The following IREB2 variants were observed in gnomAD, a reference collection of about 807,000 sequenced individuals.
IREB2 encodes the protein iron-responsive element-binding protein 2.
Under a neutral mutation model 118.8 loss-of-function variants are expected in IREB2, and 39 were observed. That is an observed-to-expected ratio of 0.33 (90% CI 0.25 to 0.43). The LOEUF (loss-of-function observed/expected upper bound fraction) is 0.43, where lower values mean the gene tolerates loss of function less well. IREB2 is among the 20% of genes least tolerant of loss of function. The pLI, the probability that IREB2 is intolerant of heterozygous loss-of-function variation, is 1.00. For synonymous variants in IREB2, 372 were observed against 392.2 expected, an observed-to-expected ratio of 0.95 and a Z score of 0.61; for missense variants, 900 against 1,147.3, an observed-to-expected ratio of 0.78 and a Z score of 3.11.
Position 78,438,286 on chromosome 15 carries a change from C to T in IREB2, c.-52C>T, listed in dbSNP as rs1406839158. On this transcript the variant is annotated 5_prime_UTR_variant, in exon 1 of 22. Coordinates refer to ENST00000258886, the MANE Select transcript of IREB2 (RefSeq NM_004136.4). Reference sequence around the variant, plus strand: ...TCCCCGTCTTCCCTGCCCGGCCTCCCCCTTCTTCCCCCGCTGGCCCCCTCC... The same window carrying T: ...TCCCCGTCTTCCCTGCCCGGCCTCCTCCTTCTTCCCCCGCTGGCCCCCTCC... The T allele has an allele frequency of 2.3e-5, 34 of 1,468,644 alleles. No homozygotes were observed. In the South Asian group the frequency reaches 3.0e-4, roughly 13 times the overall value. The allele number at this position is 1,468,644 out of a possible 1,614,324, so 91.0% of individuals were successfully genotyped here.
At chr15:78,481,911 A>G (rs1310944801) in intron 10 of IREB2, 2 of 152,258 alleles carry the variant, frequency 1.3e-5, no homozygotes, top group Non-Finnish European at 2.9e-5. Context: ...ATGGATATTT[A>G]TGGGCAAAGA....
intron 10 of IREB2, chr15:78,480,295 C>T (rs912574709): frequency 1.3e-5 from 2 of 151,892 alleles, no homozygotes; most frequent in African/African-American, 4.8e-5. Context: ...CATTTTTTTT[C>T]CTTGTTCACA....
chr15:78,491,297 C>T (rs954061121), intron 18 of IREB2, among the ~76,000 whole-genome samples: 1 of 151,908 alleles, frequency 6.6e-6, no homozygotes, highest in Non-Finnish European at 1.5e-5. Flanking sequence ...AAATTTAAAA[C>T]TGGTAAGATT....
intron 2 of IREB2, among the ~76,000 whole-genome samples, chr15:78,446,990 AAAC>A (rs975252988): frequency 6.6e-5 from 10 of 152,158 alleles, no homozygotes; most frequent in African/African-American, 2.4e-4. Context: ...AGAAGAAAAA[AAAC>A]TTTCTTCTAC....
intron 10 of IREB2, among the ~76,000 whole-genome samples, chr15:78,481,475 C>T (rs1449515322): frequency 6.6e-6 from 1 of 151,988 alleles, no homozygotes; most frequent in African/African-American, 2.4e-5. Context: ...CCTGCCTCAG[C>T]CTCCCAGGTA....
rs138171290 is a variant in IREB2 at position 78,489,956 on chromosome 15, T to C, written c.2077-466T>C. Among the ~76,000 whole-genome samples the C allele has an allele frequency of 1.6e-3, 243 of 152,346 alleles. 1 individual carries two copies. Among genetic ancestry groups the C allele is most frequent in the African/African-American group, 3.2e-3 (133 of 41,576 alleles). On this transcript the variant is annotated intron_variant, in intron 16 of 21. Transcript: ENST00000258886. ...TGCTTAATCTCTCTGTAGCAACATA[T>C]AGAAATCTTTCTAAATTCTTTAACT...
chr15:78,499,826 G>A lies in IREB2; in HGVS notation c.*1683G>A, dbSNP rs1426664402. 6.6e-6 allele frequency: 1 copy of A among 152,200 alleles called. No individual in the cohort carries two copies. The highest frequency in any genetic ancestry group is 2.4e-5 in the African/African-American group (1 of 41,452). The allele number at this position is 152,200 out of a possible 1,614,324, so 9.4% of individuals were successfully genotyped here. ...GTGCTCTGAAGAAATGGTAATTCCAGATTGTGCAGGGGGAAACAAATCTAT... is the reference window on the plus strand; with the variant it reads ...GTGCTCTGAAGAAATGGTAATTCCAAATTGTGCAGGGGGAAACAAATCTAT... On this transcript the variant is annotated 3_prime_UTR_variant, in exon 22 of 22. Transcript: ENST00000258886.
chr15:78,473,432 A>G, intron 8 of IREB2, 51 bp downstream of exon 8: 1 of 1,511,806 alleles, frequency 6.6e-7, no homozygotes, highest in African/African-American at 1.4e-5. Context: ...TATTTTTATA[A>G]AAATTGAAGA....
intron 2 of IREB2, among the ~76,000 whole-genome samples, chr15:78,442,498 G>T (rs1433723451): frequency 6.6e-6 from 1 of 152,176 alleles, no homozygotes; most frequent in East Asian, 1.9e-4. Flanking sequence ...GGTTGAGAAT[G>T]ACTGTTGTAA....
intron 10 of IREB2, among the ~76,000 whole-genome samples, chr15:78,481,446 C>T (rs2051569371): frequency 6.6e-6 from 1 of 151,972 alleles, no homozygotes; most frequent in Non-Finnish European, 1.5e-5. Flanking sequence ...AGCTCTGCCT[C>T]CCAGGTTCAT....
At chr15:78,470,255 T>G (rs1223660860) in intron 5 of IREB2, among the ~76,000 whole-genome samples, 2 of 152,234 alleles carry the variant, frequency 1.3e-5, no homozygotes. Flanking sequence ...CAAAGTGTGT[T>G]TTTATTATCA....
intron 2 of IREB2, among the ~76,000 whole-genome samples, chr15:78,444,649 A>G (rs2141447627): frequency 6.6e-6 from 1 of 152,326 alleles, no homozygotes; most frequent in Middle Eastern, 3.4e-3. Context: ...TCACAAAAAG[A>G]CAAGAACATT....
At position 78,487,531 on chromosome 15, in the gene IREB2, A is replaced by C. The variant is rs929211825; in HGVS notation, c.1710-202A>C. ...AGCCCAGGAGGTTAAGGCTGCAGTG[A>C]GCTGGTTCAAATAGCATGCCTGAGA... On this transcript the variant is annotated intron_variant, in intron 13 of 21. Coordinates refer to ENST00000258886, the MANE Select transcript of IREB2 (RefSeq NM_004136.4). Among the ~76,000 whole-genome samples the C allele has an allele frequency of 2.6e-5, 4 of 152,206 alleles. No homozygotes were observed. The South Asian group carries it at 6.2e-4, about 24-fold the overall frequency.
intron 10 of IREB2, among the ~76,000 whole-genome samples, chr15:78,479,402 T>C (rs2051528091): frequency 6.6e-6 from 1 of 150,860 alleles, no homozygotes; most frequent in African/African-American, 2.4e-5. Context: ...TTTTTGGATT[T>C]TTTTTTTTTT....
At chr15:78,443,626 G>T (rs536990038) in intron 2 of IREB2, among the ~76,000 whole-genome samples, 328 of 151,100 alleles carry the variant, frequency 2.2e-3, no homozygotes, top group African/African-American at 6.0e-3. Flanking sequence ...TTTTTGTGGG[G>T]TTTTTTTTGT....
intron 2 of IREB2, among the ~76,000 whole-genome samples, chr15:78,461,133 A>G (rs905742): frequency 0.029 from 4,377 of 152,320 alleles, 223 homozygotes; most frequent in African/African-American, 0.1. Context: ...TAACAGTTCC[A>G]TGTTCAAGAT....
chr15:78,442,308 C>G (rs1003623776), intron 2 of IREB2, among the ~76,000 whole-genome samples: 1 of 152,132 alleles, frequency 6.6e-6, no homozygotes, highest in Non-Finnish European at 1.5e-5. Context: ...AAGAAAGGAA[C>G]AAGTTAGGTA....
intron 10 of IREB2, among the ~76,000 whole-genome samples, chr15:78,480,686 TAAAAAA>T (rs373261767): frequency 3.2e-4 from 29 of 89,718 alleles, no homozygotes; most frequent in Middle Eastern, 0.01. Flanking sequence ...GAGACTGTCT[TAAAAAA>T]AAAAAAAAAA....
At chr15:78,437,910 A>G (rs2656070), upstream of IREB2, among the ~76,000 whole-genome samples, 118,632 of 152,196 alleles carry the variant, frequency 0.78, 46,559 homozygotes, top group African/African-American at 0.85. Flanking sequence ...CCCTGACTCC[A>G]ACAGACACCT....
Sources: allele counts gnomAD v4.1 joint callset (sites outside exome capture counted in the v4.1 genomes callset), GRCh38; gene constraint gnomAD v4.1.1; transcripts MANE v1.5; gene names NCBI Gene and HGNC (gene_info 2026-07-23, HGNC 2026-07-21).